The following FANK1 variants were observed in gnomAD, a reference collection of about 807,000 sequenced individuals.
The protein encoded by FANK1 is fibronectin type III and ankyrin repeat domains 1.
Under a neutral mutation model 45.3 loss-of-function variants are expected in FANK1, and 44 were observed. The ratio of observed to expected loss-of-function variants is 0.97; its 90% CI spans 0.76 to 1.25. The LOEUF is 1.25. FANK1 is among the 50% of genes most tolerant of loss of function. The pLI is 0.00. For synonymous variants in FANK1, 149 were observed against 152.5 expected (o/e 0.98, Z 0.17); for missense variants, 391 against 424.4 (o/e 0.92, Z 0.69).
At chr10:125,985,008 G>T (rs946636951) in intron 2 of FANK1, among the ~76,000 whole-genome samples, 1 of 152,190 alleles carries the variant, frequency 6.6e-6, no homozygotes, top group Non-Finnish European at 1.5e-5. Flanking sequence ...TCCCTGCTGT[G>T]GCTTTTGTCC....
intron 1 of FANK1, among the ~76,000 whole-genome samples, chr10:125,975,171 T>C (rs927690145): frequency 6.6e-6 from 1 of 152,236 alleles, no homozygotes; most frequent in African/African-American, 2.4e-5. Context: ...GCACAAGACC[T>C]GATCTCTTTC....
chr10:125,991,645 T>C (rs999410681), intron 3 of FANK1, among the ~76,000 whole-genome samples: 15 of 152,064 alleles, frequency 9.9e-5, no homozygotes, highest in Admixed American at 2.6e-4. Flanking sequence ...AGCCTTTTTT[T>C]TCCCCCCAGG....
chr10:125,920,760 C>G (rs535733933), intron 1 of FANK1, among the ~76,000 whole-genome samples: 66 of 152,210 alleles, frequency 4.3e-4, no homozygotes, highest in African/African-American at 1.6e-3. Context: ...AGGTGAGGCC[C>G]TTGATTAGAA....
chr10:125,931,817 T>G (rs1294693063), intron 1 of FANK1, among the ~76,000 whole-genome samples: 1 of 152,238 alleles, frequency 6.6e-6, no homozygotes, highest in Non-Finnish European at 1.5e-5. Flanking sequence ...CAATGTTATC[T>G]TCTAGAATTT....
chr10:125,954,628 T>C (rs1349583550), intron 1 of FANK1, among the ~76,000 whole-genome samples: 1 of 151,986 alleles, frequency 6.6e-6, no homozygotes, highest in Non-Finnish European at 1.5e-5. Flanking sequence ...TTTAAAAAAA[T>C]AGAGAAAGGG....
intron 1 of FANK1, among the ~76,000 whole-genome samples, chr10:125,954,158 G>A (rs527372985): frequency 1.2e-5 from 1 of 85,644 alleles, no homozygotes; most frequent in Non-Finnish European, 3.0e-5. Context: ...TTACAATGGG[G>A]GAAGGGGCAG....
intron 1 of FANK1, among the ~76,000 whole-genome samples, chr10:125,900,608 C>G (rs1944948176): frequency 6.6e-6 from 1 of 151,778 alleles, no homozygotes; most frequent in Non-Finnish European, 1.5e-5. Flanking sequence ...CAGCAGTTTT[C>G]TGCTACACGT....
intron 3 of FANK1, among the ~76,000 whole-genome samples, chr10:125,990,823 G>A (rs886190204): frequency 2.6e-5 from 4 of 152,190 alleles, no homozygotes; most frequent in African/African-American, 9.7e-5. Context: ...CCACATGGCT[G>A]GGGAGGCCTC....
intron 3 of FANK1, among the ~76,000 whole-genome samples, chr10:125,992,144 G>A (rs985286717): frequency 5.3e-5 from 8 of 152,216 alleles, no homozygotes; most frequent in African/African-American, 1.7e-4. Flanking sequence ...GGCCCACAAA[G>A]TCTTGAAGGA....
chr10:126,001,708 C>G (rs1038369714), intron 6 of FANK1, among the ~76,000 whole-genome samples: 1 of 152,080 alleles, frequency 6.6e-6, no homozygotes, highest in Non-Finnish European at 1.5e-5. Flanking sequence ...CTGCTTGGCC[C>G]TTGGAGGACC....
intron 1 of FANK1, among the ~76,000 whole-genome samples, chr10:125,971,537 G>A (rs1411292848): frequency 1.3e-5 from 2 of 151,890 alleles, no homozygotes; most frequent in South Asian, 4.2e-4. Flanking sequence ...TTTCCTTGGG[G>A]TTCAAGCCAG....
intron 1 of FANK1, among the ~76,000 whole-genome samples, chr10:125,923,719 G>C (rs1304837228): frequency 1.3e-5 from 2 of 151,930 alleles, no homozygotes; most frequent in East Asian, 3.9e-4. Context: ...GTAGAGACAG[G>C]GTTTTGCCAT....
At chr10:125,945,174 C>T (rs1210201339) in intron 1 of FANK1, among the ~76,000 whole-genome samples, 6 of 152,154 alleles carry the variant, frequency 3.9e-5, no homozygotes, top group Non-Finnish European at 8.8e-5. Flanking sequence ...TCTAGTCTGA[C>T]AGTTTGCCTG....
Position 125,897,998 on chromosome 10 carries a change from C to CAAAAAAAAAAAAAAAAAAA in FANK1, c.13+1361_13+1379dup, listed in dbSNP as rs373550249. On this transcript the variant is annotated intron_variant, in intron 1 of 10. Coordinates refer to ENST00000368693, the MANE Select transcript of FANK1 (RefSeq NM_145235.5). ...AGTGAAACCCATCTCTACTAAAATACAAAAAAAAAAAAAAAAAAAAAAAAA... is the reference window on the plus strand; with the variant it reads ...AGTGAAACCCATCTCTACTAAAATACAAAAAAAAAAAAAAAAAAAAAAAAAAAAAAAAAAAAAAAAAAAA... Among the ~76,000 whole-genome samples, 3 of 16,792 alleles carry CAAAAAAAAAAAAAAAAAAA rather than the reference C, an allele frequency of 1.8e-4. 1 individual carries two copies. Among genetic ancestry groups the CAAAAAAAAAAAAAAAAAAA allele is most frequent in the African/African-American group, 7.3e-4 (3 of 4,132 alleles). The allele number at this position is 16,792 out of a possible 152,430, so 11.0% of individuals were successfully genotyped here.
At chr10:125,995,614 A>G (rs978190690) in intron 4 of FANK1, 116 bp downstream of exon 4, 7 of 887,346 alleles carry the variant, frequency 7.9e-6, no homozygotes, top group Non-Finnish European at 1.3e-5. Context: ...AACTGCCTCC[A>G]AAATGGATCT....
At chr10:125,970,224 C>G (rs1207204707) in intron 1 of FANK1, among the ~76,000 whole-genome samples, 2 of 152,088 alleles carry the variant, frequency 1.3e-5, no homozygotes, top group African/African-American at 2.4e-5. Flanking sequence ...CCCCCCACCC[C>G]CCAGAGGGGG....
chr10:125,939,865 C>A (rs1948332311), intron 1 of FANK1, among the ~76,000 whole-genome samples: 1 of 151,654 alleles, frequency 6.6e-6, no homozygotes, highest in Non-Finnish European at 1.5e-5. Flanking sequence ...GTAGCAGAAC[C>A]TAGAAGCATT....
At chr10:126,006,748 T>C (rs1278082904) in intron 7 of FANK1, among the ~76,000 whole-genome samples, 1 of 152,136 alleles carries the variant, frequency 6.6e-6, no homozygotes, top group African/African-American at 2.4e-5. Context: ...TAATCCCAGC[T>C]ATTAGGGAGG....
chr10:125,951,712 C>T (rs946371360), intron 1 of FANK1, among the ~76,000 whole-genome samples: 3 of 152,158 alleles, frequency 2.0e-5, no homozygotes, highest in Non-Finnish European at 4.4e-5. Context: ...GTGTTCTTGA[C>T]ATTTTGAGGC....
Sources: gnomAD v4.1 joint callset for allele counts (sites outside exome capture counted in the v4.1 genomes callset) on GRCh38, gnomAD v4.1.1 for gene constraint, MANE v1.5 for transcripts, NCBI Gene and HGNC (gene_info 2026-07-23, HGNC 2026-07-21) for gene names.